Variants in TMEM82 observed in about 807,000 individuals in gnomAD.
The protein encoded by TMEM82 is transmembrane protein 82.
TMEM82 carries 30 observed loss-of-function variants against 29.2 expected under a neutral mutation model. That is an observed-to-expected ratio of 1.03 (90% CI 0.77 to 1.39). The LOEUF is 1.39. TMEM82 is among the 40% of genes most tolerant of loss of function. The pLI, the probability that TMEM82 is intolerant of heterozygous loss-of-function variation, is 0.00. For missense variants in TMEM82, 442 were observed against 447.7 expected (o/e 0.99, Z 0.12); for synonymous variants, 221 against 225.4 (o/e 0.98, Z 0.18).
rs373043934 is a variant in TMEM82 at position 15,744,258 on chromosome 1, C to T, written c.435C>T (p.Gly145=). Residue 145 remains glycine, a synonymous_variant, in exon 4 of 6, where the codon GGC becomes GGT. Transcript: ENST00000375782. This position sits in a 1 kb window ranked among gnomAD's most constrained non-coding sequence, Gnocchi z 5.2. ...GTGGCCTGAGCTTCCTGCAGGAGGGCGCCCCTCACCGCACGCTGAACCTGC... is the reference window on the plus strand; with the variant it reads ...GTGGCCTGAGCTTCCTGCAGGAGGGTGCCCCTCACCGCACGCTGAACCTGC... The part of the protein sequence containing the change: ...LTCGLSFLQE[G]APHRTLNLLL... 1.7e-5 allele frequency: 27 copies of T among 1,570,392 alleles called. No homozygotes were observed. The highest frequency in any genetic ancestry group is 1.1e-4 in the African/African-American group (8 of 74,204).
In TMEM82 at chr1:15,742,914, GCCCACCTCAT is replaced by G. The variant is rs1438954164; in HGVS notation, c.161+11_161+20del. On this transcript the variant is annotated splice_region_variant and intron_variant, in intron 2 of 5. Transcript: ENST00000375782. Reference sequence around the variant, plus strand: ...TCTTCGTGGGCTGTGCCAAGTGAGTGCCCACCTCATCCCCCCAGGGAATGTGGCTGGGGGC... The same window carrying G: ...TCTTCGTGGGCTGTGCCAAGTGAGTGCCCCCCAGGGAATGTGGCTGGGGGC... 2 of 1,612,682 alleles carry G rather than the reference GCCCACCTCAT, an allele frequency of 1.2e-6. No individual in the cohort carries two copies. Among genetic ancestry groups the G allele is most frequent in the Non-Finnish European group, 1.7e-6 (2 of 1,179,866 alleles).
Position 15,743,114 on chromosome 1 carries a change from G to A in TMEM82, c.256G>A (p.Val86Ile). ...GGCAGGGCTGGCCCTGTTTCTGACG[G>A]TCGTGGGGTCCCGGGTGGCTGCCCT... is the stretch of plus-strand genomic sequence containing the variant. ...HLAGLALFLT[V>I]VGSRVAALVV... The change falls in exon 3 of 6, where the codon GTC (valine) becomes ATC (isoleucine). Residue 86 changes from valine (V) to isoleucine (I), a missense_variant. Transcript: ENST00000375782. The A allele has an allele frequency of 1.2e-6, 2 of 1,612,136 alleles. No individual in the cohort carries two copies. The highest frequency in any genetic ancestry group is 4.5e-5 in the East Asian group (2 of 44,862).
intron 5 of TMEM82, 80 bp downstream of exon 5, chr1:15,747,134 TAAG>T: frequency 2.0e-6 from 3 of 1,468,794 alleles, no homozygotes; most frequent in Non-Finnish European, 9.2e-7. Context: ...GGCTCAAGTT[TAAG>T]AAGAGCCAGC....
At position 15,743,212 on chromosome 1, in the gene TMEM82, G is replaced by A. The variant is rs1404938830; in HGVS notation, c.336+18G>A. 6.3e-7 allele frequency: 1 copy of A among 1,598,640 alleles called. No homozygotes were observed. Among genetic ancestry groups the A allele is most frequent in the Non-Finnish European group, 8.5e-7 (1 of 1,177,574 alleles). Reference sequence around the variant, plus strand: ...TGGGCAAGGTGAGGCCTCCGGGAAGGCAGTGGGTGGATCACTCCCCAGCCC... The same window carrying A: ...TGGGCAAGGTGAGGCCTCCGGGAAGACAGTGGGTGGATCACTCCCCAGCCC... On this transcript the variant is annotated intron_variant, in intron 3 of 5. Transcript: ENST00000375782.
intron 4 of TMEM82, 69 bp from the exon 5 acceptor site, chr1:15,746,798 G>C (rs1262590428): frequency 5.9e-6 from 8 of 1,351,672 alleles, no homozygotes; most frequent in Non-Finnish European, 8.1e-6. Flanking sequence ...TGTGGAGGGT[G>C]GGTCAGGGAG....
chr1:15,745,250 G>A (rs2068325447), intron 4 of TMEM82, among the ~76,000 whole-genome samples: 1 of 152,154 alleles, frequency 6.6e-6, no homozygotes, highest in African/African-American at 2.4e-5. Context: ...GCCGGGCACA[G>A]TGGCTCATGC....
At position 15,744,417 on chromosome 1, in the gene TMEM82, T is replaced by G; in HGVS notation, c.594T>G (p.His198Gln). 7 of 1,587,500 alleles carry G rather than the reference T, an allele frequency of 4.4e-6. No individual in the cohort carries two copies. The highest frequency in any genetic ancestry group is 6.0e-6 in the Non-Finnish European group (7 of 1,167,862). Residue 198 changes from histidine to glutamine, a missense_variant, in exon 4 of 6, where the codon CAT (histidine) becomes CAG (glutamine). His to Gln is a conservative substitution (Grantham distance 24, BLOSUM62 0). Transcript: ENST00000375782. The surrounding 1 kb of genome is among the most constrained non-coding windows in gnomAD (Gnocchi z 5.2). ...GVCLGLLAHA[H>Q]GLPQLLGRAL... ...GCCTGGGCCTGCTGGCCCATGCACA[T>G]GGCCTCCCCCAGCTGCTGGGCCGTG...
rs1442306968 is a variant in TMEM82, at chr1:15,742,676, G to A, written c.88+29G>A. ...AGCACCTCGCCCCATTCCTGCCTTG[G>A]CCCCGCCCCCTTCCAGCTCTTTGCA... On this transcript the variant is annotated intron_variant, in intron 1 of 5. Transcript: ENST00000375782. 3 of 1,593,926 alleles carry A rather than the reference G, an allele frequency of 1.9e-6. 1 individual carries two copies. In the South Asian group the frequency reaches 3.3e-5, roughly 18 times the overall value.
chr1:15,743,247 G>C (rs2068306384), intron 3 of TMEM82, 53 bp downstream of exon 3: 1 of 1,545,722 alleles, frequency 6.5e-7, no homozygotes, highest in Non-Finnish European at 8.7e-7. Flanking sequence ...CAGGGCCCGG[G>C]CTCACCCCCG....
Position 15,743,122 on chromosome 1 carries a change from G to A in TMEM82, c.264G>A (p.Gly88=), listed in dbSNP as rs1335168492. ...TGGCCCTGTTTCTGACGGTCGTGGG[G>A]TCCCGGGTGGCTGCCCTCGTGGTGC... ...AGLALFLTVV[G]SRVAALVVLE... Residue 88 remains glycine (G), a synonymous_variant, in exon 3 of 6, where the codon GGG becomes GGA. Coordinates refer to ENST00000375782, the MANE Select transcript of TMEM82 (RefSeq NM_001013641.3). 6.2e-7 allele frequency: 1 copy of A among 1,611,968 alleles called. No homozygotes were observed. Among genetic ancestry groups the A allele is most frequent in the East Asian group, 2.2e-5 (1 of 44,880 alleles).
In TMEM82 at chr1:15,747,692, T is replaced by G; in HGVS notation, c.*60T>G. On this transcript the variant is annotated 3_prime_UTR_variant, in exon 6 of 6. Coordinates refer to ENST00000375782, the MANE Select transcript of TMEM82 (RefSeq NM_001013641.3). Reference sequence around the variant, plus strand: ...CCCACTAGCCTGATCTCCGAGGCCTTGACCCCAGGGCGATGCCTGGAGGCA... The same window carrying G: ...CCCACTAGCCTGATCTCCGAGGCCTGGACCCCAGGGCGATGCCTGGAGGCA... 8.8e-6 allele frequency: 13 copies of G among 1,483,702 alleles called. 2 individuals carry two copies. In the South Asian group the frequency reaches 1.5e-4, roughly 17 times the overall value. The allele number at this position is 1,483,702 out of a possible 1,614,324, so 91.9% of individuals were successfully genotyped here.
chr1:15,742,681 G>A (rs375657669), intron 1 of TMEM82, 34 bp downstream of exon 1: 38 of 1,579,182 alleles, frequency 2.4e-5, no homozygotes, highest in Non-Finnish European at 2.9e-5. Flanking sequence ...CCTTGGCCCC[G>A]CCCCCTTCCA....
intron 4 of TMEM82, among the ~76,000 whole-genome samples, chr1:15,746,179 AAAAC>A (rs894143424): frequency 1.4e-4 from 21 of 151,796 alleles, no homozygotes; most frequent in African/African-American, 4.1e-4. Flanking sequence ...TCTGTCTCAA[AAAAC>A]AAACAAACAA....
chr1:15,742,599 C>T lies in TMEM82; in HGVS notation c.40C>T (p.Leu14Phe), dbSNP rs1458700036. The T allele has an allele frequency of 6.2e-7, 1 of 1,605,274 alleles. No individual in the cohort carries two copies. The highest frequency in any genetic ancestry group is 8.5e-7 in the Non-Finnish European group (1 of 1,176,944). The change falls in exon 1 of 6, where the codon CTC becomes TTC. Residue 14 changes from leucine (L) to phenylalanine (F), a missense_variant. By Grantham distance (22) the Leu-to-Phe change is conservative (BLOSUM62 0). Coordinates refer to ENST00000375782, the MANE Select transcript of TMEM82 (RefSeq NM_001013641.3). ...ATCCCTCCCCTCCTGGCTCCCCGGC[C>T]TCCCCTCCCTCGAGTGGGGCTCTAG... Reference protein sequence around the residue: ...LPSLPSWLPGLPSLEWGSSLL... With the variant: ...LPSLPSWLPGFPSLEWGSSLL...
chr1:15,744,248 T>C lies in TMEM82; in HGVS notation c.425T>C (p.Leu142Pro), dbSNP rs1391596838. Residue 142 changes from leucine to proline, a missense_variant, in exon 4 of 6, where the codon CTG becomes CCG. Coordinates refer to ENST00000375782, the MANE Select transcript of TMEM82 (RefSeq NM_001013641.3). The surrounding 1 kb of genome is among the most constrained non-coding windows in gnomAD (Gnocchi z 5.2). ...GCGLTCGLSF[L>P]QEGAPHRTLN... The stretch of plus-strand genomic sequence containing the variant: ...GGGCTGACCTGTGGCCTGAGCTTCC[T>C]GCAGGAGGGCGCCCCTCACCGCACG... The C allele has an allele frequency of 1.9e-6, 3 of 1,581,146 alleles. No homozygotes were observed. The highest frequency in any genetic ancestry group is 1.3e-5 in the African/African-American group (1 of 74,442).
In TMEM82 at chr1:15,744,600, C is replaced by A. The variant is rs906082907; in HGVS notation, c.757+20C>A. 1.9e-6 allele frequency: 3 copies of A among 1,582,820 alleles called. No homozygotes were observed. The highest frequency in any genetic ancestry group is 1.2e-5 in the South Asian group (1 of 86,368). ...TGCAGGGTGAGCGCTGCGGGGCCTG[C>A]TCCATTCAATCCACGCACATCCCTC... On this transcript the variant is annotated intron_variant, in intron 4 of 5. Coordinates refer to ENST00000375782, the MANE Select transcript of TMEM82 (RefSeq NM_001013641.3). The surrounding 1 kb of genome is among the most constrained non-coding windows in gnomAD (Gnocchi z 5.2).
chr1:15,744,210 C>T lies in TMEM82; in HGVS notation c.387C>T (p.Tyr129=), dbSNP rs1345905004. 2 of 1,591,140 alleles carry T rather than the reference C, an allele frequency of 1.3e-6. No individual in the cohort carries two copies. Among genetic ancestry groups the T allele is most frequent in the African/African-American group, 2.7e-5 (2 of 74,688 alleles). Residue 129 remains tyrosine, a synonymous_variant, in exon 4 of 6, where the codon TAC becomes TAT. Transcript: ENST00000375782. The surrounding 1 kb of genome is among the most constrained non-coding windows in gnomAD (Gnocchi z 5.2). ...ERLQLYLLCQ[Y]SLGCGLTCGL... is the part of the protein sequence containing the mutation. ...TGCAGCTCTACCTGCTGTGCCAGTA[C>T]TCGCTGGGCTGCGGGCTGACCTGTG...
chr1:15,746,410 CAAAA>C (rs761074645), intron 4 of TMEM82, among the ~76,000 whole-genome samples: 2 of 64,546 alleles, frequency 3.1e-5, no homozygotes, highest in Admixed American at 1.7e-4. Flanking sequence ...AAGACTGTCT[CAAAA>C]AAAAAAAAAA....
chr1:15,743,079 C>T lies in TMEM82; in HGVS notation c.221C>T (p.Thr74Met), dbSNP rs143073415. 188 of 1,609,696 alleles carry T rather than the reference C, an allele frequency of 1.2e-4. No individual in the cohort carries two copies. The highest frequency in any genetic ancestry group is 1.7e-4 in the Middle Eastern group (1 of 6,038). ...RLRAQWASLE[T>M]VHLAGLALFL... ...CGGGCCCAGTGGGCCTCCCTGGAAA[C>T]GGTGCACCTGGCAGGGCTGGCCCTG... Residue 74 changes from threonine (T) to methionine (M), a missense_variant, in exon 3 of 6, where the codon ACG becomes ATG. Thr to Met is a moderately conservative substitution (Grantham distance 81). Coordinates refer to ENST00000375782, the MANE Select transcript of TMEM82 (RefSeq NM_001013641.3).
Sources: allele counts gnomAD v4.1 joint callset (sites outside exome capture counted in the v4.1 genomes callset), GRCh38; gene constraint gnomAD v4.1.1; non-coding constraint Gnocchi (gnomAD v3.1); transcripts MANE v1.5; gene names NCBI Gene and HGNC (gene_info 2026-07-23, HGNC 2026-07-21).